PKHD1L1: variants seen among roughly 807,000 people sequenced by gnomAD.
The protein encoded by PKHD1L1 is fibrocystin-L.
In PKHD1L1, 434 loss-of-function variants were observed where a neutral mutation model predicts 462.9. The ratio of observed to expected loss-of-function variants is 0.94; its 90% CI spans 0.87 to 1.02. PKHD1L1 has a LOEUF of 1.02. PKHD1L1 is among the 50% of genes least tolerant of loss of function. The pLI, the probability that PKHD1L1 is intolerant of heterozygous loss-of-function variation, is 0.00. For missense variants in PKHD1L1, 5,202 were observed against 5,096.1 expected (o/e 1.02, Z -0.63); for synonymous variants, 1,781 against 1,750.0 (o/e 1.02, Z -0.44).
rs187002780 is a variant in PKHD1L1 at position 109,438,896 on chromosome 8, G to A, written c.3761-1G>A. ...TTATTTTTTAAATTTTAAAATACCA[G>A]GAGAAGTTAATTTAACAATTAAGGG... On this transcript the variant is annotated splice_acceptor_variant, in intron 31 of 77. Coordinates refer to ENST00000378402, the MANE Select transcript of PKHD1L1 (RefSeq NM_177531.6). LOFTEE classifies it high-confidence loss of function. 552 of 1,587,672 alleles carry A rather than the reference G, an allele frequency of 3.5e-4. 3 individuals carry two copies. The African/African-American group carries it at 6.4e-3, about 18-fold the overall frequency.
chr8:109,409,630 T>C (rs1813733676), intron 18 of PKHD1L1, among the ~76,000 whole-genome samples: 1 of 152,230 alleles, frequency 6.6e-6, no homozygotes, highest in Non-Finnish European at 1.5e-5. Flanking sequence ...TATGCTATTA[T>C]TAGCCAATTG....
chr8:109,388,468 G>A (rs1185445446), intron 6 of PKHD1L1, 29 bp from the exon 7 acceptor site: 1 of 1,338,214 alleles, frequency 7.5e-7, no homozygotes, highest in East Asian at 2.6e-5. Context: ...AACATAACTT[G>A]ATTTTTTCTA....
At chr8:109,473,734 G>T (rs746809974) in intron 50 of PKHD1L1, among the ~76,000 whole-genome samples, 1 of 152,040 alleles carries the variant, frequency 6.6e-6, no homozygotes, top group Non-Finnish European at 1.5e-5. Flanking sequence ...TAGGTTGATT[G>T]ATCTAGGCTG....
chr8:109,483,040 A>C lies in PKHD1L1; in HGVS notation c.9511A>C (p.Lys3171Gln). 6.2e-7 allele frequency: 1 copy of C among 1,601,716 alleles called. No homozygotes were observed. Among genetic ancestry groups the C allele is most frequent in the Non-Finnish European group, 8.5e-7 (1 of 1,174,086 alleles). Residue 3171 changes from lysine (K) to glutamine (Q), a missense_variant, in exon 57 of 78, where the codon AAG becomes CAG. Physicochemically the swap from Lys to Gln is moderately conservative, Grantham distance 53 (BLOSUM62 1). Transcript: ENST00000378402. ...HGIPHSIYKTKLSETAFAGSK... is the reference protein window; with the variant it reads ...HGIPHSIYKTQLSETAFAGSK... ...AATTCCACATTCAATATATAAAACTAAGCTCTCAGAAACTGCATTTGCAGG... is the reference window on the plus strand; with the variant it reads ...AATTCCACATTCAATATATAAAACTCAGCTCTCAGAAACTGCATTTGCAGG...
chr8:109,448,764 A>G (rs541604455), intron 39 of PKHD1L1, among the ~76,000 whole-genome samples: 24 of 152,064 alleles, frequency 1.6e-4, no homozygotes, highest in Non-Finnish European at 2.8e-4. Flanking sequence ...GTAGCAAATA[A>G]ATAAGCATGT....
intron 3 of PKHD1L1, 75 bp downstream of exon 3, chr8:109,381,589 A>G (rs971074063): frequency 1.8e-6 from 2 of 1,104,278 alleles, no homozygotes; most frequent in Admixed American, 6.2e-5. Context: ...TAGTATTATA[A>G]TAGTTTTATT....
chr8:109,378,945 GAGATGGAATAAAC>G lies in PKHD1L1; in HGVS notation c.164-2417_164-2405del, dbSNP rs558261999. On this transcript the variant is annotated intron_variant, in intron 2 of 77. Coordinates refer to ENST00000378402, the MANE Select transcript of PKHD1L1 (RefSeq NM_177531.6). ...CCGCAAGAGAACATCCCCCACAGAG[GAGATGGAATAAAC>G]AGATGGATTGGATGATTCGTCCAGG... Among the ~76,000 whole-genome samples the G allele has an allele frequency of 9.3e-3, 1,414 of 152,250 alleles. 67 individuals are homozygous for G. Among genetic ancestry groups the G allele is most frequent in the Admixed American group, 0.084 (1,281 of 15,286 alleles).
chr8:109,422,271 G>T (rs1814513001), intron 23 of PKHD1L1, among the ~76,000 whole-genome samples: 1 of 152,018 alleles, frequency 6.6e-6, no homozygotes. Context: ...TTTATCATAG[G>T]TGTAGATTCA....
At chr8:109,501,575 C>A (rs1031409477) in intron 67 of PKHD1L1, among the ~76,000 whole-genome samples, 11 of 152,156 alleles carry the variant, frequency 7.2e-5, no homozygotes, top group African/African-American at 2.7e-4. Context: ...CTAAAGACTA[C>A]ATTTTAATTT....
Position 109,430,039 on chromosome 8 carries a change from TA to T in PKHD1L1, c.3229+4del. Reference sequence around the variant, plus strand: ...TCTTGGCGATAAGCCCTTCTCAAGGTAACTTCCTGATTTTTAACCTATACTG... The same window carrying T: ...TCTTGGCGATAAGCCCTTCTCAAGGTACTTCCTGATTTTTAACCTATACTG... On this transcript the variant is annotated splice_donor_region_variant and intron_variant, in intron 27 of 77. Coordinates refer to ENST00000378402, the MANE Select transcript of PKHD1L1 (RefSeq NM_177531.6). 6.3e-7 allele frequency: 1 copy of T among 1,594,872 alleles called. No homozygotes were observed. The highest frequency in any genetic ancestry group is 8.5e-7 in the Non-Finnish European group (1 of 1,169,612).
At position 109,476,507 on chromosome 8, in the gene PKHD1L1, G is replaced by A; in HGVS notation, c.8758-1G>A. 6.9e-7 allele frequency: 1 copy of A among 1,442,474 alleles called. No homozygotes were observed. The highest frequency in any genetic ancestry group is 9.4e-7 in the Non-Finnish European group (1 of 1,064,330). 89.4% of individuals were successfully genotyped at this position (1,442,474 alleles called of 1,614,324 possible). ...TCACATTTTTCTATAAACTTTTATAGGAAGAAGACTATGTAATTATATCAC... is the reference window on the plus strand; with the variant it reads ...TCACATTTTTCTATAAACTTTTATAAGAAGAAGACTATGTAATTATATCAC... On this transcript the variant is annotated splice_acceptor_variant, in intron 51 of 77. Transcript: ENST00000378402. LOFTEE classifies it high-confidence loss of function.
In PKHD1L1 at chr8:109,400,327, G is replaced by A; in HGVS notation, c.1264G>A (p.Gly422Arg). Residue 422 changes from glycine (G) to arginine (R), a missense_variant, in exon 13 of 78, where the codon GGA becomes AGA. Transcript: ENST00000378402. ...TTATGCTATTTATTTTAGCCAGACT[G>A]GACTTCCAGAAGATAAGGTAGGGAA... is the stretch of plus-strand genomic sequence containing the variant. ...DRYAIYFSQT[G>R]LPEDKVRIAY... The A allele has an allele frequency of 6.2e-7, 1 of 1,612,684 alleles. No homozygotes were observed. The highest frequency in any genetic ancestry group is 8.5e-7 in the Non-Finnish European group (1 of 1,179,146).
chr8:109,434,280 C>T (rs373080404), intron 28 of PKHD1L1, among the ~76,000 whole-genome samples: 1 of 151,100 alleles, frequency 6.6e-6, no homozygotes, highest in Non-Finnish European at 1.5e-5. Flanking sequence ...TCACTCTTCC[C>T]AACTCATGAA....
chr8:109,386,169 A>T (rs1305847042), intron 6 of PKHD1L1, among the ~76,000 whole-genome samples: 1 of 152,212 alleles, frequency 6.6e-6, no homozygotes, highest in African/African-American at 2.4e-5. Context: ...CCAGCTGTGA[A>T]CTAGATAGTA....
At chr8:109,486,253 G>A (rs934417565) in intron 58 of PKHD1L1, among the ~76,000 whole-genome samples, 1 of 151,828 alleles carries the variant, frequency 6.6e-6, no homozygotes, top group Non-Finnish European at 1.5e-5. Flanking sequence ...TCTCCTCCTA[G>A]CTTTGGGCAA....
At chr8:109,520,150 T>C (rs1201056567) in intron 73 of PKHD1L1, among the ~76,000 whole-genome samples, 2 of 152,086 alleles carry the variant, frequency 1.3e-5, no homozygotes, top group Non-Finnish European at 1.5e-5. Flanking sequence ...AAGCCTAGGC[T>C]TGTGTTGCAA....
chr8:109,395,921 C>A (rs1812947289), intron 10 of PKHD1L1, 106 bp from the exon 11 acceptor site: 2 of 681,308 alleles, frequency 2.9e-6, no homozygotes, highest in Admixed American at 2.4e-5. Flanking sequence ...TAATCTACTA[C>A]CTGTGTTAGG....
chr8:109,430,034 C>T lies in PKHD1L1; in HGVS notation c.3226C>T (p.Gln1076Ter). ...CCTAGTCTTGGCGATAAGCCCTTCT[C>T]AAGGTAACTTCCTGATTTTTAACCT... ...TPLVLAISPS[Q>*]GSYEEGTILT... The change falls in exon 27 of 78, where the codon CAA becomes TAA. Residue 1076 changes from glutamine (Q) to a stop codon, truncating the protein, a stop_gained. Transcript: ENST00000378402. LOFTEE classifies it high-confidence loss of function. 6.3e-7 allele frequency: 1 copy of T among 1,599,572 alleles called. No homozygotes were observed. Among genetic ancestry groups the T allele is most frequent in the Non-Finnish European group, 8.5e-7 (1 of 1,173,076 alleles).
In PKHD1L1 at chr8:109,518,305, A is replaced by G; in HGVS notation, c.11828A>G (p.Gln3943Arg). 6.2e-7 allele frequency: 1 copy of G among 1,613,222 alleles called. No individual in the cohort carries two copies. The highest frequency in any genetic ancestry group is 8.5e-7 in the Non-Finnish European group (1 of 1,179,362). Reference protein sequence around the residue: ...HTATVIFVSFQLSVATEDDFY... With the variant: ...HTATVIFVSFRLSVATEDDFY... The stretch of plus-strand genomic sequence containing the variant: ...GCCACAGTGATATTTGTTTCTTTCC[A>G]ATTATCTGTTGCAACAGAAGATGAC... The change falls in exon 73 of 78, where the codon CAA (glutamine) becomes CGA (arginine). Residue 3943 changes from glutamine (Q) to arginine (R), a missense_variant. Around this residue, in one of 3 missense-constraint regions of PKHD1L1, gnomAD observed 698 missense variants for 736.3 expected, o/e 0.95. Coordinates refer to ENST00000378402, the MANE Select transcript of PKHD1L1 (RefSeq NM_177531.6).
Sources: gnomAD v4.1 joint callset for allele counts (sites outside exome capture counted in the v4.1 genomes callset) on GRCh38, gnomAD v4.1.1 for gene constraint, gnomAD v4.1.1 regional missense constraint, MANE v1.5 for transcripts, NCBI Gene and HGNC (gene_info 2026-07-23, HGNC 2026-07-21) for gene names.